The following MYPN variants were observed in gnomAD, a reference collection of about 807,000 sequenced individuals.
The protein encoded by MYPN is sarcomeric protein myopalladin, 145 kDa (MYOP).
MYPN carries 63 observed loss-of-function variants against 129.4 expected under a neutral mutation model. The ratio of observed to expected loss-of-function variants is 0.49; its 90% CI spans 0.40 to 0.60. The LOEUF (loss-of-function observed/expected upper bound fraction) is 0.60. Ranked by LOEUF, MYPN falls within the 20% of genes least tolerant of loss-of-function variation. The probability of loss-of-function intolerance (pLI) is 0.00; values close to 1 mark genes in which losing one functional copy is unlikely to be tolerated. For synonymous variants in MYPN, 629 were observed against 600.9 expected, an observed-to-expected ratio of 1.05 and a Z score of -0.68; for missense variants, 1,596 against 1,635.4, an observed-to-expected ratio of 0.98 and a Z score of 0.42.
intron 2 of MYPN, among the ~76,000 whole-genome samples, chr10:68,126,552 G>A (rs982987431): frequency 6.6e-6 from 1 of 152,170 alleles, no homozygotes; most frequent in African/African-American, 2.4e-5. Flanking sequence ...TGCTCTGGTC[G>A]GACTCGGGTA....
chr10:68,203,196 C>T (rs971005724), intron 18 of MYPN, among the ~76,000 whole-genome samples: 1 of 152,124 alleles, frequency 6.6e-6, no homozygotes, highest in African/African-American at 2.4e-5. Flanking sequence ...GAGATGCTGC[C>T]GTGGGGAAAG....
chr10:68,197,878 C>T (rs1459412511), intron 16 of MYPN, among the ~76,000 whole-genome samples: 1 of 152,000 alleles, frequency 6.6e-6, no homozygotes, highest in Non-Finnish European at 1.5e-5. Flanking sequence ...AAGACAGCTA[C>T]TAAGTATCTA....
chr10:68,188,938 A>G lies in MYPN; in HGVS notation c.2737A>G (p.Met913Val). ...YKISSFEQRL[M>V]NEIEFRLERT... Reference sequence around the variant, plus strand: ...AATTTCAAGCTTTGAGCAGAGGCTGATGAATGAAATAGAGTTTCGCTTGGA... The same window carrying G: ...AATTTCAAGCTTTGAGCAGAGGCTGGTGAATGAAATAGAGTTTCGCTTGGA... Residue 913 changes from methionine (M) to valine (V), a missense_variant, in exon 13 of 20, where the codon ATG becomes GTG. Transcript: ENST00000358913. 6.2e-7 allele frequency: 1 copy of G among 1,614,102 alleles called. No individual in the cohort carries two copies. Among genetic ancestry groups the G allele is most frequent in the South Asian group, 1.1e-5 (1 of 91,062 alleles).
chr10:68,188,834 T>G, intron 12 of MYPN, 71 bp from the exon 13 acceptor site: 5 of 1,299,606 alleles, frequency 3.8e-6, no homozygotes, highest in Non-Finnish European at 5.5e-6. Context: ...AAAAGTGGCT[T>G]CCTCAATTGT....
intron 12 of MYPN, among the ~76,000 whole-genome samples, chr10:68,183,016 C>T (rs2043363186): frequency 6.6e-6 from 1 of 151,950 alleles, no homozygotes; most frequent in Admixed American, 6.6e-5. Context: ...AAAATCAGGC[C>T]CCAACTTAAA....
chr10:68,170,737 T>A (rs2043131140), intron 10 of MYPN, among the ~76,000 whole-genome samples: 1 of 152,198 alleles, frequency 6.6e-6, no homozygotes, highest in Non-Finnish European at 1.5e-5. Flanking sequence ...GGCTACACTC[T>A]AGAATAAAAT....
upstream of MYPN, chr10:68,106,849 T>C (rs1264238806): frequency 2.5e-5 from 18 of 715,152 alleles, no homozygotes; most frequent in East Asian, 2.7e-5. Context: ...AGAAAACAGC[T>C]GAAGGCAAGC....
chr10:68,186,270 A>G (rs932100012), intron 12 of MYPN, among the ~76,000 whole-genome samples: 1 of 152,192 alleles, frequency 6.6e-6, no homozygotes, highest in African/African-American at 2.4e-5. Flanking sequence ...CAGATTTAAA[A>G]TTGGTTCCAG....
chr10:68,123,259 T>C (rs1265333015), intron 2 of MYPN, among the ~76,000 whole-genome samples: 1 of 152,088 alleles, frequency 6.6e-6, no homozygotes, highest in Non-Finnish European at 1.5e-5. Flanking sequence ...GCATCTGTAA[T>C]GCCAACTATT....
chr10:68,190,804 G>A (rs754256665), intron 13 of MYPN, among the ~76,000 whole-genome samples: 29 of 152,140 alleles, frequency 1.9e-4, no homozygotes, highest in Non-Finnish European at 4.0e-4. Flanking sequence ...TCTTCTAGTA[G>A]TTTCATAGTT....
intron 8 of MYPN, 131 bp from the exon 9 acceptor site, chr10:68,165,571 A>T: frequency 1.3e-6 from 1 of 761,710 alleles, no homozygotes; most frequent in East Asian, 2.6e-5. Context: ...TGTTTTGACC[A>T]ATTGTTTTCA....
chr10:68,129,478 A>G (rs1219005610), intron 2 of MYPN, among the ~76,000 whole-genome samples: 1 of 152,180 alleles, frequency 6.6e-6, no homozygotes, highest in African/African-American at 2.4e-5. Flanking sequence ...TGGCTAGAAT[A>G]ATATATCATT....
chr10:68,171,555 G>A, intron 10 of MYPN, among the ~76,000 whole-genome samples: 1 of 152,198 alleles, frequency 6.6e-6, no homozygotes, highest in East Asian at 1.9e-4. Context: ...GAGAATGACT[G>A]ACCTACATTT....
chr10:68,117,915 G>C (rs943524803), intron 1 of MYPN, among the ~76,000 whole-genome samples: 1 of 151,882 alleles, frequency 6.6e-6, no homozygotes, highest in Non-Finnish European at 1.5e-5. Flanking sequence ...TTACAGATGA[G>C]TAAACTGAGG....
intron 13 of MYPN, among the ~76,000 whole-genome samples, chr10:68,190,973 C>T (rs973102923): frequency 2.0e-5 from 3 of 152,074 alleles, no homozygotes; most frequent in Non-Finnish European, 4.4e-5. Context: ...TTCTTGGCGC[C>T]TTTGTCAAAA....
chr10:68,118,127 A>T (rs1168696997), intron 1 of MYPN, among the ~76,000 whole-genome samples: 1 of 152,140 alleles, frequency 6.6e-6, no homozygotes, highest in Non-Finnish European at 1.5e-5. Flanking sequence ...AGGTACATTA[A>T]CACCTCAATT....
intron 10 of MYPN, 103 bp downstream of exon 10, chr10:68,166,769 C>G (rs1309218665): frequency 2.0e-6 from 3 of 1,484,686 alleles, no homozygotes; most frequent in Non-Finnish European, 2.8e-6. Context: ...TTGCTCACAC[C>G]TGTAATCCGA....
intron 10 of MYPN, among the ~76,000 whole-genome samples, chr10:68,172,174 C>T (rs1349541376): frequency 6.6e-6 from 1 of 151,824 alleles, no homozygotes; most frequent in Non-Finnish European, 1.5e-5. Flanking sequence ...GGCAACATGA[C>T]GAGACCCCCA....
chr10:68,147,211 G>A (rs2134084071), intron 4 of MYPN, among the ~76,000 whole-genome samples: 1 of 152,268 alleles, frequency 6.6e-6, no homozygotes, highest in Middle Eastern at 3.4e-3. Context: ...CTAGAGTGCT[G>A]TAGTGCGATC....
Sources: allele counts gnomAD v4.1 joint callset (sites outside exome capture counted in the v4.1 genomes callset), GRCh38; gene constraint gnomAD v4.1.1; transcripts MANE v1.5; gene names NCBI Gene and HGNC (gene_info 2026-07-23, HGNC 2026-07-21).